BCL11B: variants seen among roughly 807,000 people sequenced by gnomAD.
The protein encoded by BCL11B is B-cell lymphoma/leukemia 11B.
Under a neutral mutation model 49.9 loss-of-function variants are expected in BCL11B, and 8 were observed. That is an observed-to-expected ratio of 0.16 (90% CI 0.09 to 0.29). The LOEUF (loss-of-function observed/expected upper bound fraction) is 0.29, where lower values mean the gene tolerates loss of function less well. Ranked by LOEUF, BCL11B falls within the 10% of genes least tolerant of loss-of-function variation. The pLI is 1.00. For missense variants in BCL11B, 1,006 were observed against 1,351.0 expected (o/e 0.74, Z 4.00); for synonymous variants, 739 against 637.4 (o/e 1.16, Z -2.40).
intron 3 of BCL11B, among the ~76,000 whole-genome samples, chr14:99,189,010 C>A (rs1320254096): frequency 6.6e-6 from 1 of 152,256 alleles, no homozygotes; most frequent in Non-Finnish European, 1.5e-5. Flanking sequence ...AATAAGAACT[C>A]GAGCTGAGTT....
intron 1 of BCL11B, among the ~76,000 whole-genome samples, chr14:99,269,786 C>T (rs1440835150): frequency 6.7e-6 from 1 of 150,218 alleles, no homozygotes; most frequent in Admixed American, 6.6e-5. Flanking sequence ...AGCCCGGCCC[C>T]AGCCCGGCGA....
chr14:99,196,338 C>T (rs761222672), intron 3 of BCL11B, among the ~76,000 whole-genome samples: 34 of 152,084 alleles, frequency 2.2e-4, no homozygotes, highest in Non-Finnish European at 3.5e-4. Context: ...GTGACTGGGG[C>T]GCAGCACCGT....
intron 3 of BCL11B, among the ~76,000 whole-genome samples, chr14:99,210,686 T>G (rs1054184597): frequency 6.6e-6 from 1 of 152,136 alleles, no homozygotes; most frequent in East Asian, 1.9e-4. Context: ...AAGAGAGAGA[T>G]TGAAGGTAGG....
chr14:99,219,050 T>C (rs1595256669), intron 3 of BCL11B, among the ~76,000 whole-genome samples: 1 of 151,884 alleles, frequency 6.6e-6, no homozygotes, highest in East Asian at 1.9e-4. Context: ...TTCTTCTTTT[T>C]TTTTTTTTGA....
rs1888893139 is a variant in BCL11B at position 99,247,895 on chromosome 14, A to G, written c.427+9576T>C. Among the ~76,000 whole-genome samples, 1 of 152,170 alleles carries G rather than the reference A, an allele frequency of 6.6e-6. No homozygotes were observed. Among genetic ancestry groups the G allele is most frequent in the African/African-American group, 2.4e-5 (1 of 41,458 alleles). Reference sequence around the variant, plus strand: ...AGGCACTCAGCCCCCAGGGCAGGGGATGGGGGGAAAACAGCCCTGATCAAA... The same window carrying G: ...AGGCACTCAGCCCCCAGGGCAGGGGGTGGGGGGAAAACAGCCCTGATCAAA... On this transcript the variant is annotated intron_variant, in intron 2 of 3. Coordinates refer to ENST00000357195, the MANE Select transcript of BCL11B (RefSeq NM_138576.4). This position sits in a 1 kb window ranked among gnomAD's most constrained non-coding sequence, Gnocchi z 4.5.
chr14:99,193,714 G>A (rs1383704052), intron 3 of BCL11B, among the ~76,000 whole-genome samples: 2 of 152,102 alleles, frequency 1.3e-5, no homozygotes, highest in Admixed American at 6.6e-5. Context: ...ACACACTAAC[G>A]AACCCCACTG....
At chr14:99,209,823 A>T (rs371078820) in intron 3 of BCL11B, among the ~76,000 whole-genome samples, 3 of 152,152 alleles carry the variant, frequency 2.0e-5, no homozygotes, top group African/African-American at 7.2e-5. Flanking sequence ...CTGCAAAACC[A>T]CTGCAAAAAT....
At chr14:99,185,359 C>A (rs1284019842) in intron 3 of BCL11B, among the ~76,000 whole-genome samples, 1 of 151,818 alleles carries the variant, frequency 6.6e-6, no homozygotes, top group South Asian at 2.1e-4. Flanking sequence ...ATTGCTTGAA[C>A]CCAGGAGGCG....
In BCL11B at chr14:99,174,900, C is replaced by T. The variant is rs1185111636; in HGVS notation, c.1936G>A (p.Gly646Ser). The change falls in exon 4 of 4, where the codon GGC becomes AGC. Residue 646 changes from glycine (G) to serine (S), a missense_variant. Gly to Ser is a moderately conservative substitution (Grantham distance 56). This residue lies in a region of BCL11B where 443 missense variants were observed against 499.7 expected (regional missense o/e 0.89). Transcript: ENST00000357195. Reference protein sequence around the residue: ...DDDAGGCGDAGAGGAVNGRGG... With the variant: ...DDDAGGCGDASAGGAVNGRGG... Reference sequence around the variant, plus strand: ...CGCCCGTTGACCGCGCCGCCCGCGCCCGCGTCCCCGCAGCCGCCCGCGTCG... The same window carrying T: ...CGCCCGTTGACCGCGCCGCCCGCGCTCGCGTCCCCGCAGCCGCCCGCGTCG... 2 of 1,084,642 alleles carry T rather than the reference C, an allele frequency of 1.8e-6. No homozygotes were observed. Among genetic ancestry groups the T allele is most frequent in the South Asian group, 7.6e-5 (2 of 26,378 alleles). The allele number at this position is 1,084,642 out of a possible 1,614,324, so 67.2% of individuals were successfully genotyped here. A position where few individuals can be genotyped will look rare whatever the true frequency, so the allele number is the denominator to read the frequency against.
intron 3 of BCL11B, among the ~76,000 whole-genome samples, chr14:99,177,331 G>A (rs754942083): frequency 1.3e-5 from 2 of 151,772 alleles, no homozygotes; most frequent in African/African-American, 4.8e-5. Context: ...AAATTGTAGC[G>A]AACACTCGTG....
intron 3 of BCL11B, among the ~76,000 whole-genome samples, chr14:99,189,340 G>A (rs374955013): frequency 2.0e-5 from 3 of 152,362 alleles, no homozygotes; most frequent in East Asian, 3.9e-4. Context: ...GCCTGGTGCC[G>A]CTAGAACATC....
In BCL11B at chr14:99,175,474, G is replaced by A; in HGVS notation, c.1362C>T (p.Pro454=). The change falls in exon 4 of 4, where the codon CCC becomes CCT. Residue 454 remains proline (P), a synonymous_variant. Coordinates refer to ENST00000357195, the MANE Select transcript of BCL11B (RefSeq NM_138576.4). ...VHRRSHTGEK[P]YKCQLCDHAC... is the part of the protein sequence containing the mutation. ...CGTGGTCGCACAGCTGGCACTTGTA[G>A]GGCTTCTCGCCCGTGTGACTGCGCC... The A allele has an allele frequency of 6.2e-7, 1 of 1,611,578 alleles. No individual in the cohort carries two copies. The highest frequency in any genetic ancestry group is 8.5e-7 in the Non-Finnish European group (1 of 1,178,788).
At position 99,184,117 on chromosome 14, in the gene BCL11B, G is replaced by T. The variant is rs749231381; in HGVS notation, c.641-7922C>A. On this transcript the variant is annotated intron_variant, in intron 3 of 3. Coordinates refer to ENST00000357195, the MANE Select transcript of BCL11B (RefSeq NM_138576.4). The surrounding 1 kb of genome is among the most constrained non-coding windows in gnomAD (Gnocchi z 6.1). ...TCAGGCACCCCAGCCTTTGGGATCC[G>T]GTCCCACTTGCTGCCTGCCTTTTGC... Among the ~76,000 whole-genome samples the T allele has an allele frequency of 6.6e-6, 1 of 152,000 alleles. No homozygotes were observed. The highest frequency in any genetic ancestry group is 2.4e-5 in the African/African-American group (1 of 41,372).
At position 99,193,539 on chromosome 14, in the gene BCL11B, G is replaced by C. The variant is rs529829374; in HGVS notation, c.641-17344C>G. On this transcript the variant is annotated intron_variant, in intron 3 of 3. Transcript: ENST00000357195. ...CTTGGTACAACATGCCGGAGAACTC[G>C]GATTCCGGCTGCAGAGGAGAGACCC... Among the ~76,000 whole-genome samples the C allele has an allele frequency of 1.3e-4, 20 of 152,136 alleles. No homozygotes were observed. In the South Asian group the frequency reaches 3.9e-3, roughly 30 times the overall value.
chr14:99,269,511 C>A (rs1889587660), intron 1 of BCL11B, among the ~76,000 whole-genome samples: 1 of 105,408 alleles, frequency 9.5e-6, no homozygotes. Flanking sequence ...ACTTTAATTT[C>A]TATTCCCCCC....
intron 3 of BCL11B, among the ~76,000 whole-genome samples, chr14:99,214,561 G>GAA (rs1269026751): frequency 8.6e-6 from 1 of 116,732 alleles, no homozygotes; most frequent in Admixed American, 8.7e-5. Context: ...CTATCTCAAA[G>GAA]AAAAAAAAAA....
At position 99,175,984 on chromosome 14, in the gene BCL11B, GC is replaced by G; in HGVS notation, c.851del (p.Gly284AlafsTer11). On this transcript the variant is annotated frameshift_variant, in exon 4 of 4. Coordinates refer to ENST00000357195, the MANE Select transcript of BCL11B (RefSeq NM_138576.4). LOFTEE classifies it high-confidence loss of function. Reference sequence around the variant, plus strand: ...GCAGCAGGTTGAAGGGGTTGCTGTCGCCCAGGAAATTCATGAGCGGGGACTG... The same window carrying G: ...GCAGCAGGTTGAAGGGGTTGCTGTCGCCAGGAAATTCATGAGCGGGGACTG... Reference protein sequence around the residue: ...VAQSPLMNFLGDSNPFNLLRM... With the variant: ...VAQSPLMNFLXDSNPFNLLRM... The G allele has an allele frequency of 6.6e-7, 1 of 1,509,442 alleles. No homozygotes were observed. The highest frequency in any genetic ancestry group is 2.2e-5 in the Admixed American group (1 of 45,044). The allele number at this position is 1,509,442 out of a possible 1,614,324, so 93.5% of individuals were successfully genotyped here.
chr14:99,231,327 C>T lies in BCL11B; in HGVS notation c.640+18G>A. 1 of 1,606,538 alleles carries T rather than the reference C, an allele frequency of 6.2e-7. No individual in the cohort carries two copies. Among genetic ancestry groups the T allele is most frequent in the Admixed American group, 1.7e-5 (1 of 59,402 alleles). On this transcript the variant is annotated intron_variant, in intron 3 of 3. Transcript: ENST00000357195. The surrounding 1 kb of genome is among the most constrained non-coding windows in gnomAD (Gnocchi z 8.1). ...GCCATCCCGGGGGCCCGCCCCCCAC[C>T]GCGGCGTCGTCTGTTACCTGACAAC... is the stretch of plus-strand genomic sequence containing the variant.
At chr14:99,269,499 C>T (rs1399592775) in intron 1 of BCL11B, among the ~76,000 whole-genome samples, 1 of 142,664 alleles carries the variant, frequency 7.0e-6, no homozygotes, top group Admixed American at 7.3e-5. Context: ...AAGGCGAATC[C>T]CACTTTAATT....
Sources: allele counts gnomAD v4.1 joint callset (sites outside exome capture counted in the v4.1 genomes callset), GRCh38; gene constraint gnomAD v4.1.1; regional missense constraint gnomAD v4.1.1; non-coding constraint Gnocchi (gnomAD v3.1); transcripts MANE v1.5; gene names NCBI Gene and HGNC (gene_info 2026-07-23, HGNC 2026-07-21).